PLEKHO2: variants seen among roughly 807,000 people sequenced by gnomAD.
The protein encoded by PLEKHO2 is pleckstrin homology domain containing O2.
PLEKHO2 carries 20 observed loss-of-function variants against 32.7 expected under a neutral mutation model. The observed-to-expected ratio is 0.61, with a 90% CI of 0.43 to 0.89. The LOEUF (loss-of-function observed/expected upper bound fraction) is 0.89, where lower values mean the gene tolerates loss of function less well. Ranked by LOEUF, PLEKHO2 falls within the 40% of genes least tolerant of loss-of-function variation. The pLI is 0.00. For missense variants in PLEKHO2, 568 were observed against 621.2 expected (o/e 0.91, Z 0.91); for synonymous variants, 247 against 246.3 (o/e 1.00, Z -0.03).
rs2140335917 is a variant in PLEKHO2 at position 64,841,982 on chromosome 15, G to T, written c.-35G>T. The T allele has an allele frequency of 8.0e-7, 1 of 1,247,110 alleles. No individual in the cohort carries two copies. Among genetic ancestry groups the T allele is most frequent in the Non-Finnish European group, 1.0e-6 (1 of 996,158 alleles). 77.3% of individuals were successfully genotyped at this position (1,247,110 alleles called of 1,614,324 possible). A position where few individuals can be genotyped will look rare whatever the true frequency, so the allele number is the denominator to read the frequency against. Reference sequence around the variant, plus strand: ...GCAGAGCCCGCGCGGCGCTGGAAGCGAGTGGCGGAGCGGCGGGACCTCGGC... The same window carrying T: ...GCAGAGCCCGCGCGGCGCTGGAAGCTAGTGGCGGAGCGGCGGGACCTCGGC... On this transcript the variant is annotated 5_prime_UTR_variant, in exon 1 of 6. Transcript: ENST00000323544.
chr15:64,854,702 C>T (rs995516949), intron 2 of PLEKHO2, among the ~76,000 whole-genome samples: 5 of 152,254 alleles, frequency 3.3e-5, no homozygotes, highest in Non-Finnish European at 5.9e-5. Context: ...ATGTGCCCAT[C>T]TCCCATCTGG....
chr15:64,844,718 G>A (rs2084509745), intron 1 of PLEKHO2, among the ~76,000 whole-genome samples: 1 of 152,116 alleles, frequency 6.6e-6, no homozygotes, highest in African/African-American at 2.4e-5. Context: ...AACCTTTTGT[G>A]CCTTGCCTTC....
intron 3 of PLEKHO2, among the ~76,000 whole-genome samples, chr15:64,858,405 G>A (rs2084620736): frequency 6.6e-6 from 1 of 152,192 alleles, no homozygotes; most frequent in Admixed American, 6.5e-5. Context: ...CCAGGGTGGA[G>A]GATGGGCAAG....
chr15:64,862,424 G>A (rs1195873615), intron 5 of PLEKHO2, among the ~76,000 whole-genome samples: 1 of 152,086 alleles, frequency 6.6e-6, no homozygotes, highest in East Asian at 1.9e-4. Flanking sequence ...GTTGTCTGAG[G>A]TTCCCCAAGC....
intron 1 of PLEKHO2, among the ~76,000 whole-genome samples, chr15:64,846,328 T>G (rs1243109735): frequency 6.6e-6 from 1 of 151,922 alleles, no homozygotes; most frequent in African/African-American, 2.4e-5. Flanking sequence ...TTTTTTTTTT[T>G]CGGAGACAGG....
At position 64,842,040 on chromosome 15, in the gene PLEKHO2, G is replaced by A; in HGVS notation, c.12+12G>A. Reference sequence around the variant, plus strand: ...CCATGGAGGAGGAGGTGAGGGCGGGGCCCGGCGGGGCGTTGGGCTGGGGTC... The same window carrying A: ...CCATGGAGGAGGAGGTGAGGGCGGGACCCGGCGGGGCGTTGGGCTGGGGTC... On this transcript the variant is annotated intron_variant, in intron 1 of 5. Transcript: ENST00000323544. 8.1e-7 allele frequency: 1 copy of A among 1,239,612 alleles called. No individual in the cohort carries two copies. The highest frequency in any genetic ancestry group is 1.0e-6 in the Non-Finnish European group (1 of 991,398). 76.8% of individuals were successfully genotyped at this position (1,239,612 alleles called of 1,614,324 possible).
At position 64,866,740 on chromosome 15, in the gene PLEKHO2, C is replaced by T. The variant is rs960154277; in HGVS notation, c.*852C>T. 1.2e-5 allele frequency: 2 copies of T among 169,042 alleles called. No homozygotes were observed. The highest frequency in any genetic ancestry group is 2.6e-5 in the Non-Finnish European group (2 of 78,200). 10.5% of individuals were successfully genotyped at this position (169,042 alleles called of 1,614,324 possible). On this transcript the variant is annotated 3_prime_UTR_variant, in exon 6 of 6. Coordinates refer to ENST00000323544, the MANE Select transcript of PLEKHO2 (RefSeq NM_025201.5). ...CTGATGTCCACATTAGAAAAACTTA[C>T]TTGTAATGATCATGTCAGCCTTCAG...
At position 64,867,782 on chromosome 15, in the gene PLEKHO2, T is replaced by A. The variant is rs1330718434; in HGVS notation, c.*1894T>A. 2 of 152,254 alleles carry A rather than the reference T, an allele frequency of 1.3e-5. No individual in the cohort carries two copies. The highest frequency in any genetic ancestry group is 4.8e-5 in the African/African-American group (2 of 41,450). 9.4% of individuals were successfully genotyped at this position (152,254 alleles called of 1,614,324 possible). On this transcript the variant is annotated 3_prime_UTR_variant, in exon 6 of 6. Coordinates refer to ENST00000323544, the MANE Select transcript of PLEKHO2 (RefSeq NM_025201.5). ...GTAGGCAAGTAGCTCTGGGGCCACC[T>A]CAAGTGACCAAATGCTATTAATTTC...
chr15:64,848,451 C>A, intron 1 of PLEKHO2, 142 bp from the exon 2 acceptor site: 1 of 908,672 alleles, frequency 1.1e-6, no homozygotes, highest in Non-Finnish European at 1.7e-6. Context: ...GAATATCTGC[C>A]TTGGGGGTTG....
At chr15:64,863,796 T>G (rs1417476044) in intron 5 of PLEKHO2, among the ~76,000 whole-genome samples, 1 of 148,608 alleles carries the variant, frequency 6.7e-6, no homozygotes, top group African/African-American at 2.5e-5. Flanking sequence ...CAGGCTGGAG[T>G]GCAATGGCAT....
In PLEKHO2 at chr15:64,842,382, C is replaced by CTG. The variant is rs1370217774; in HGVS notation, c.12+355_12+356insGT. Among the ~76,000 whole-genome samples the CTG allele has an allele frequency of 1.4e-3, 65 of 45,586 alleles. 3 individuals carry two copies. In the East Asian group the frequency reaches 0.025, roughly 18 times the overall value. The allele number at this position is 45,586 out of a possible 152,430, so 29.9% of individuals were successfully genotyped here. On this transcript the variant is annotated intron_variant, in intron 1 of 5. Transcript: ENST00000323544. ...TACCGTGGTCGGATCCTGACTCTCTCTCTCTCTCTGTGTGTGTGTGTGTGT... is the reference window on the plus strand; with the variant it reads ...TACCGTGGTCGGATCCTGACTCTCTCTGTCTCTCTCTGTGTGTGTGTGTGTGT...
chr15:64,849,173 G>A (rs1404450554), intron 2 of PLEKHO2, among the ~76,000 whole-genome samples: 5 of 151,142 alleles, frequency 3.3e-5, no homozygotes, highest in Non-Finnish European at 5.9e-5. Context: ...AAAGAGTCTC[G>A]CTCTGTAGCC....
intron 2 of PLEKHO2, among the ~76,000 whole-genome samples, chr15:64,851,599 G>T (rs1489257028): frequency 6.6e-6 from 1 of 152,154 alleles, no homozygotes; most frequent in Non-Finnish European, 1.5e-5. Context: ...AGGCGAATGC[G>T]AATGGCTCTT....
chr15:64,865,735 C>G lies in PLEKHO2; in HGVS notation c.1320C>G (p.Ala440=). ...VLGSEPAPVS[A]ETLLSQAVEQ... is the part of the protein sequence containing the mutation. The stretch of plus-strand genomic sequence containing the variant: ...GCAGTGAGCCGGCCCCTGTTAGTGC[C>G]GAAACATTGCTCAGCCAGGCTGTGG... Residue 440 remains alanine, a synonymous_variant, in exon 6 of 6, where the codon GCC becomes GCG. Transcript: ENST00000323544. 6.2e-7 allele frequency: 1 copy of G among 1,614,198 alleles called. No homozygotes were observed. The highest frequency in any genetic ancestry group is 8.5e-7 in the Non-Finnish European group (1 of 1,180,030).
In PLEKHO2 at chr15:64,859,844, T is replaced by C. The variant is rs547745432; in HGVS notation, c.280-50T>C. 37 of 1,516,204 alleles carry C rather than the reference T, an allele frequency of 2.4e-5. No individual in the cohort carries two copies. In the South Asian group the frequency reaches 3.8e-4, roughly 16 times the overall value. The allele number at this position is 1,516,204 out of a possible 1,614,324, so 93.9% of individuals were successfully genotyped here. On this transcript the variant is annotated intron_variant, in intron 3 of 5. Coordinates refer to ENST00000323544, the MANE Select transcript of PLEKHO2 (RefSeq NM_025201.5). The stretch of plus-strand genomic sequence containing the variant: ...AAGGAAGCCTCCTTAAGATGCCAAA[T>C]GTGAGCTTTGTTAAACATCTGCCAT...
In PLEKHO2 at chr15:64,861,473, C is replaced by A. The variant is rs776820856; in HGVS notation, c.385-4C>A. 3 of 1,590,622 alleles carry A rather than the reference C, an allele frequency of 1.9e-6. No homozygotes were observed. Among genetic ancestry groups the A allele is most frequent in the Non-Finnish European group, 2.6e-6 (3 of 1,169,682 alleles). ...GGGGCTGATCTGGTTCCCCCTCCCT[C>A]CAGGTAAAGGTGGACAAGAGCTGCG... is the stretch of plus-strand genomic sequence containing the variant. On this transcript the variant is annotated splice_polypyrimidine_tract_variant and splice_region_variant and intron_variant, in intron 4 of 5. Coordinates refer to ENST00000323544, the MANE Select transcript of PLEKHO2 (RefSeq NM_025201.5).
intron 3 of PLEKHO2, 148 bp from the exon 4 acceptor site, chr15:64,859,746 C>T (rs2084629943): frequency 2.0e-5 from 14 of 692,200 alleles, no homozygotes; most frequent in Non-Finnish European, 3.1e-5. Context: ...TGAGATCTTT[C>T]CCTTTCCTGG....
chr15:64,866,397 G>A lies in PLEKHO2; in HGVS notation c.*509G>A. ...CCACCTATTCTGAGTAGCTGCAGAGGCCTTGGGTCCAGGCTCTAGGTTCAT... is the reference window on the plus strand; with the variant it reads ...CCACCTATTCTGAGTAGCTGCAGAGACCTTGGGTCCAGGCTCTAGGTTCAT... On this transcript the variant is annotated 3_prime_UTR_variant, in exon 6 of 6. Transcript: ENST00000323544. 2.2e-6 allele frequency: 1 copy of A among 456,436 alleles called. No homozygotes were observed. Among genetic ancestry groups the A allele is most frequent in the Non-Finnish European group, 4.4e-6 (1 of 227,072 alleles). The allele number at this position is 456,436 out of a possible 1,614,324, so 28.3% of individuals were successfully genotyped here. A position where few individuals can be genotyped will look rare whatever the true frequency, so the allele number is the denominator to read the frequency against.
chr15:64,855,243 A>C (rs2084599420), intron 3 of PLEKHO2, among the ~76,000 whole-genome samples: 1 of 152,192 alleles, frequency 6.6e-6, no homozygotes, highest in Admixed American at 6.5e-5. Context: ...TAAGAGATGC[A>C]CTTAGGGCTC....
Sources: allele counts gnomAD v4.1 joint callset (sites outside exome capture counted in the v4.1 genomes callset), GRCh38; gene constraint gnomAD v4.1.1; transcripts MANE v1.5; gene names NCBI Gene and HGNC (gene_info 2026-07-23, HGNC 2026-07-21).